The following PDE3B variants were observed in gnomAD, a reference collection of about 807,000 sequenced individuals.
PDE3B encodes cGMP-inhibited 3',5'-cyclic phosphodiesterase 3B.
In PDE3B, 66 loss-of-function variants were observed where a neutral mutation model predicts 116.8. That is an observed-to-expected ratio of 0.56 (90% CI 0.46 to 0.69). The LOEUF (loss-of-function observed/expected upper bound fraction) is 0.69, where lower values mean the gene tolerates loss of function less well. PDE3B is among the 30% of genes least tolerant of loss of function. The pLI is 0.00. For synonymous variants in PDE3B, 595 were observed against 533.6 expected, an observed-to-expected ratio of 1.12 and a Z score of -1.59; for missense variants, 1,384 against 1,368.1, an observed-to-expected ratio of 1.01 and a Z score of -0.18.
intron 12 of PDE3B, among the ~76,000 whole-genome samples, chr11:14,854,593 C>T (rs1555005862): frequency 1.3e-5 from 2 of 151,762 alleles, no homozygotes; most frequent in African/African-American, 4.8e-5. Context: ...TCTTGGCTCA[C>T]TGCAACCTCT....
chr11:14,890,603 G>C, the PDE3B span: 1 of 212,590 alleles, frequency 4.7e-6, no homozygotes, highest in African/African-American at 2.9e-5. Context: ...CTGGAGTGCA[G>C]TGGCGCGATC....
At position 14,677,936 on chromosome 11, in the gene PDE3B, A is replaced by T. The variant is rs191564455; in HGVS notation, c.978+32883A>T. On this transcript the variant is annotated intron_variant, in intron 1 of 15. Transcript: ENST00000282096. The stretch of plus-strand genomic sequence containing the variant: ...GTTTATCCATTCATTCATCCTTTTT[A>T]TTTGGGGGGACAGAGTTTTGGTCTG... 4.5e-3 allele frequency among the ~76,000 whole-genome samples: 683 copies of T among 152,080 alleles called. 3 individuals carry two copies. Among genetic ancestry groups the T allele is most frequent in the African/African-American group, 0.015 (608 of 41,500 alleles).
At chr11:14,779,740 C>G (rs1267412787) in intron 2 of PDE3B, among the ~76,000 whole-genome samples, 2 of 152,100 alleles carry the variant, frequency 1.3e-5, no homozygotes, top group Non-Finnish European at 2.9e-5. Context: ...ACCATCGATG[C>G]TAGGAAGAAA....
downstream of PDE3B, among the ~76,000 whole-genome samples, chr11:14,876,573 A>G (rs1048055063): frequency 1.3e-5 from 2 of 152,132 alleles, no homozygotes; most frequent in Non-Finnish European, 2.9e-5. Flanking sequence ...CCATAATTAC[A>G]CTCACAAAGC....
intron 1 of PDE3B, among the ~76,000 whole-genome samples, chr11:14,747,075 C>T (rs1414581872): frequency 6.6e-6 from 1 of 152,110 alleles, no homozygotes; most frequent in Admixed American, 6.6e-5. Flanking sequence ...TGTCATGTGG[C>T]GAGAGCCAGA....
intron 1 of PDE3B, among the ~76,000 whole-genome samples, chr11:14,672,912 CTT>C (rs1854415752): frequency 1.5e-5 from 2 of 132,208 alleles, no homozygotes; most frequent in Non-Finnish European, 1.6e-5. Context: ...ATAGCAAAAA[CTT>C]TACTTTTTTT....
intron 11 of PDE3B, among the ~76,000 whole-genome samples, chr11:14,837,037 C>G (rs1367247894): frequency 6.6e-6 from 1 of 152,262 alleles, no homozygotes; most frequent in African/African-American, 2.4e-5. Flanking sequence ...TGGTCTGGAA[C>G]TCCTGAGCTC....
At chr11:14,738,789 GA>G (rs1344125625) in intron 1 of PDE3B, among the ~76,000 whole-genome samples, 26 of 152,174 alleles carry the variant, frequency 1.7e-4, no homozygotes. Flanking sequence ...TAAGGTGTAA[GA>G]AAGGGGTCCA....
At chr11:14,756,738 T>A (rs1258057929) in intron 1 of PDE3B, among the ~76,000 whole-genome samples, 1 of 152,024 alleles carries the variant, frequency 6.6e-6, no homozygotes, top group East Asian at 1.9e-4. Context: ...TCTAAGTGCA[T>A]GAGCAATCTG....
At chr11:14,711,205 G>C (rs527790976) in intron 1 of PDE3B, among the ~76,000 whole-genome samples, 1 of 152,224 alleles carries the variant, frequency 6.6e-6, no homozygotes, top group South Asian at 2.1e-4. Flanking sequence ...TAGAAGCTCT[G>C]ATTAAAGATA....
chr11:14,842,727 C>A (rs1467235471), intron 11 of PDE3B, among the ~76,000 whole-genome samples: 1 of 152,118 alleles, frequency 6.6e-6, no homozygotes, highest in Admixed American at 6.5e-5. Context: ...GCACTCCAAC[C>A]TGGGCATCAT....
rs782758467 is a variant in PDE3B at position 14,861,330 on chromosome 11, A to G, written c.2850A>G (p.Lys950=). ...CAAAAGTTCGAGACTTGCATTTGAA[A>G]TGGACAGAAGGCATTGTCAATGAAT... is the stretch of plus-strand genomic sequence containing the variant. ...GPAKVRDLHL[K]WTEGIVNEFY... Residue 950 remains lysine (K), a synonymous_variant, in exon 14 of 16, where the codon AAA becomes AAG. Transcript: ENST00000282096. The G allele has an allele frequency of 1.9e-6, 3 of 1,613,710 alleles. No individual in the cohort carries two copies. The highest frequency in any genetic ancestry group is 2.5e-6 in the Non-Finnish European group (3 of 1,179,804).
intron 1 of PDE3B, among the ~76,000 whole-genome samples, chr11:14,690,250 A>G (rs1726246182): frequency 6.6e-6 from 1 of 152,234 alleles, no homozygotes; most frequent in South Asian, 2.1e-4. Flanking sequence ...CGAATGGTTT[A>G]TAAATGAAAG....
chr11:14,800,867 T>G (rs1004155980), intron 4 of PDE3B, among the ~76,000 whole-genome samples: 1 of 152,140 alleles, frequency 6.6e-6, no homozygotes, highest in Non-Finnish European at 1.5e-5. Flanking sequence ...TTTTATTCTT[T>G]TTTCTCTAAT....
intron 1 of PDE3B, among the ~76,000 whole-genome samples, chr11:14,665,186 A>G (rs1291641774): frequency 6.6e-6 from 1 of 152,238 alleles, no homozygotes; most frequent in Non-Finnish European, 1.5e-5. Flanking sequence ...ATCTCAATAG[A>G]TGCAGAAAAG....
At chr11:14,894,819 CTT>C in the PDE3B span, among the ~76,000 whole-genome samples, 2 of 152,172 alleles carry the variant, frequency 1.3e-5, no homozygotes, top group African/African-American at 2.4e-5. Context: ...TGCATTTGCT[CTT>C]TGAGTGATAG....
At chr11:14,685,446 CTTTTTTTTTTT>C (rs71044017) in intron 1 of PDE3B, among the ~76,000 whole-genome samples, 60 of 86,328 alleles carry the variant, frequency 7.0e-4, no homozygotes, top group Non-Finnish European at 7.8e-4. Context: ...TTTTTCTCAT[CTTTTTTTTTTT>C]TTTTTTTTTT....
chr11:14,832,951 CT>C (rs879086881), intron 10 of PDE3B, 118 bp downstream of exon 10: 14,592 of 414,920 alleles, frequency 0.035, no homozygotes, highest in South Asian at 0.045. Context: ...TTGAAATTTT[CT>C]TTTTTTTTTT....
At chr11:14,755,021 G>C (rs764468138) in intron 1 of PDE3B, among the ~76,000 whole-genome samples, 7 of 152,150 alleles carry the variant, frequency 4.6e-5, no homozygotes, top group Admixed American at 1.3e-4. Flanking sequence ...CCTCAACCAC[G>C]ATTACTGAAC....
Sources: allele counts gnomAD v4.1 joint callset (sites outside exome capture counted in the v4.1 genomes callset), GRCh38; gene constraint gnomAD v4.1.1; transcripts MANE v1.5; gene names NCBI Gene and HGNC (gene_info 2026-07-23, HGNC 2026-07-21).